The following TENM3 variants were observed in gnomAD, a reference collection of about 807,000 sequenced individuals.
TENM3 encodes the protein teneurin transmembrane protein 3.
Under a neutral mutation model 255.1 loss-of-function variants are expected in TENM3, and 63 were observed. The ratio of observed to expected loss-of-function variants is 0.25; its 90% confidence interval spans 0.20 to 0.30. The LOEUF is 0.30. Among genes scored for constraint, TENM3 ranks in the 10% least tolerant of loss-of-function variants. The pLI is 1.00. For synonymous variants in TENM3, 1,306 were observed against 1,322.3 expected (o/e 0.99, Z 0.27); for missense variants, 2,929 against 3,461.1 (o/e 0.85, Z 3.86).
At chr4:182,299,272 G>T (rs1413165366) in intron 1 of TENM3, among the ~76,000 whole-genome samples, 1 of 151,964 alleles carries the variant, frequency 6.6e-6, no homozygotes, top group Non-Finnish European at 1.5e-5. Context: ...TGTAAAACTA[G>T]ATTTATAATT....
the TENM3 span, among the ~76,000 whole-genome samples, chr4:181,677,626 A>G: frequency 6.6e-6 from 1 of 151,952 alleles, no homozygotes; most frequent in African/African-American, 2.4e-5. Flanking sequence ...CCAAATTGTC[A>G]ATTTTCATAC....
the TENM3 span, among the ~76,000 whole-genome samples, chr4:182,077,585 G>A: frequency 1.3e-5 from 2 of 152,154 alleles, no homozygotes; most frequent in South Asian, 4.1e-4. Context: ...GGAAGGGCAG[G>A]AAGGACTTCC....
intron 3 of TENM3, among the ~76,000 whole-genome samples, chr4:182,579,522 G>A (rs1299186012): frequency 6.6e-6 from 1 of 152,176 alleles, no homozygotes; most frequent in Non-Finnish European, 1.5e-5. Flanking sequence ...TGAGAAAGAG[G>A]AGGAGATCTT....
chr4:181,661,717 T>G, the TENM3 span, among the ~76,000 whole-genome samples: 1 of 152,114 alleles, frequency 6.6e-6, no homozygotes, highest in African/African-American at 2.4e-5. Flanking sequence ...CTCCAGTTGG[T>G]TGCTGTAGTT....
intron 1 of TENM3, among the ~76,000 whole-genome samples, chr4:182,281,064 TTAA>T (rs1341867121): frequency 6.6e-6 from 1 of 152,172 alleles, no homozygotes; most frequent in African/African-American, 2.4e-5. Context: ...CTGTTCCCCT[TTAA>T]TAAAGTAAAA....
At chr4:181,534,457 C>G in the TENM3 span, among the ~76,000 whole-genome samples, 1 of 114,968 alleles carries the variant, frequency 8.7e-6, no homozygotes, top group Admixed American at 7.8e-5. Flanking sequence ...GAGACTTTCC[C>G]TGAGGTCTTC....
chr4:182,351,692 G>A (rs1286226992), intron 3 of TENM3, among the ~76,000 whole-genome samples: 1 of 152,192 alleles, frequency 6.6e-6, no homozygotes, highest in African/African-American at 2.4e-5. Context: ...GACCCCGAGA[G>A]CCTCCATTGA....
chr4:181,685,979 T>TA, the TENM3 span, among the ~76,000 whole-genome samples: 1 of 152,186 alleles, frequency 6.6e-6, no homozygotes, highest in South Asian at 2.1e-4. Context: ...ATTTTAGCCA[T>TA]CGAAGGTGTT....
intron 3 of TENM3, among the ~76,000 whole-genome samples, chr4:182,474,224 G>C (rs1733442641): frequency 6.6e-6 from 1 of 152,140 alleles, no homozygotes; most frequent in Non-Finnish European, 1.5e-5. Flanking sequence ...CAGGATTATA[G>C]ATACCATGGC....
At chr4:181,522,995 C>T in the TENM3 span, 3 of 650,808 alleles carry the variant, frequency 4.6e-6, no homozygotes, top group Non-Finnish European at 8.9e-6. Context: ...ATAGGGAACT[C>T]AATGCATCAG....
At chr4:182,544,660 A>G (rs1193082725) in intron 3 of TENM3, among the ~76,000 whole-genome samples, 1 of 152,140 alleles carries the variant, frequency 6.6e-6, no homozygotes, top group Non-Finnish European at 1.5e-5. Flanking sequence ...ATGACTATCA[A>G]ATAAAAGTTG....
chr4:181,651,186 A>G, the TENM3 span, among the ~76,000 whole-genome samples: 979 of 152,384 alleles, frequency 6.4e-3, 15 homozygotes, highest in African/African-American at 0.022. Context: ...ACAATTACAA[A>G]AGCTGCATGG....
chr4:182,426,773 A>G (rs1243853695), intron 3 of TENM3, among the ~76,000 whole-genome samples: 1 of 152,160 alleles, frequency 6.6e-6, no homozygotes, highest in Non-Finnish European at 1.5e-5. Context: ...GTGATTCTGA[A>G]CCTACAGTTA....
the TENM3 span, among the ~76,000 whole-genome samples, chr4:181,550,831 C>T: frequency 6.6e-5 from 10 of 152,250 alleles, no homozygotes; most frequent in Non-Finnish European, 1.3e-4. Context: ...TAATGACAAG[C>T]GGTGTTAGCA....
At chr4:181,833,060 C>A in the TENM3 span, among the ~76,000 whole-genome samples, 1 of 152,170 alleles carries the variant, frequency 6.6e-6, no homozygotes, top group African/African-American at 2.4e-5. Context: ...TCTGAAAGAA[C>A]TGAGATTGTG....
At chr4:182,398,464 T>G (rs900219778) in intron 3 of TENM3, among the ~76,000 whole-genome samples, 1 of 152,242 alleles carries the variant, frequency 6.6e-6, no homozygotes, top group African/African-American at 2.4e-5. Flanking sequence ...GTTTGTTGAC[T>G]GACTGCCCAG....
the TENM3 span, among the ~76,000 whole-genome samples, chr4:181,824,878 C>G: frequency 1.2e-4 from 19 of 152,150 alleles, no homozygotes; most frequent in Non-Finnish European, 2.1e-4. Context: ...GTATTTCCGG[C>G]CACCAGGTTA....
At chr4:182,306,724 G>T (rs1449700814) in intron 1 of TENM3, among the ~76,000 whole-genome samples, 1 of 152,096 alleles carries the variant, frequency 6.6e-6, no homozygotes, top group African/African-American at 2.4e-5. Flanking sequence ...TCTGCCTAGG[G>T]TTTCATGATT....
At chr4:182,785,839 A>G (rs1765609111) in intron 24 of TENM3, among the ~76,000 whole-genome samples, 1 of 151,542 alleles carries the variant, frequency 6.6e-6, no homozygotes, top group Admixed American at 6.6e-5. Context: ...AAGCAAGACC[A>G]TGTCCTGGAA....
Sources: allele counts gnomAD v4.1 joint callset (sites outside exome capture counted in the v4.1 genomes callset), GRCh38; gene constraint gnomAD v4.1.1; transcripts MANE v1.5; gene names NCBI Gene and HGNC (gene_info 2026-07-23, HGNC 2026-07-21).